Variants in AIM2 observed in about 807,000 individuals in gnomAD.
AIM2 encodes the protein absent in melanoma 2.
Under a neutral mutation model 27.7 loss-of-function variants are expected in AIM2, and 30 were observed. The ratio of observed to expected loss-of-function variants is 1.08; its 90% CI spans 0.81 to 1.47. The LOEUF (loss-of-function observed/expected upper bound fraction) is 1.47, where lower values mean the gene tolerates loss of function less well. AIM2 is among the 40% of genes most tolerant of loss of function. The pLI, the probability that AIM2 is intolerant of heterozygous loss-of-function variation, is 0.00. For missense variants in AIM2, 358 were observed against 411.3 expected (o/e 0.87, Z 1.12); for synonymous variants, 141 against 145.3 (o/e 0.97, Z 0.21).
At chr1:159,139,861 G>A (rs1406688646) in intron 1 of AIM2, among the ~76,000 whole-genome samples, 1 of 152,042 alleles carries the variant, frequency 6.6e-6, no homozygotes. Context: ...GCAAACCATC[G>A]AGTGGGCCCT....
intron 1 of AIM2, among the ~76,000 whole-genome samples, chr1:159,087,544 C>T (rs188677197): frequency 6.6e-6 from 1 of 151,272 alleles, no homozygotes; most frequent in African/African-American, 2.4e-5. Flanking sequence ...AAAAGCAATG[C>T]CAGGCTTTTT....
At chr1:159,109,349 T>C (rs1207632305) in intron 1 of AIM2, among the ~76,000 whole-genome samples, 1 of 152,196 alleles carries the variant, frequency 6.6e-6, no homozygotes, top group African/African-American at 2.4e-5. Context: ...GCTAATTGGC[T>C]AGCCACATGT....
At chr1:159,120,731 G>GT (rs1647515871) in intron 1 of AIM2, among the ~76,000 whole-genome samples, 1 of 152,126 alleles carries the variant, frequency 6.6e-6, no homozygotes. Flanking sequence ...AGAGCCCAGC[G>GT]TGACTGTTGG....
chr1:159,110,841 C>T (rs1657557527), intron 1 of AIM2, among the ~76,000 whole-genome samples: 4 of 152,188 alleles, frequency 2.6e-5, no homozygotes, highest in African/African-American at 9.6e-5. Context: ...GTTCACATTC[C>T]TCTCTTTTGT....
At chr1:159,083,907 G>A (rs888980157) in intron 1 of AIM2, among the ~76,000 whole-genome samples, 1 of 152,170 alleles carries the variant, frequency 6.6e-6, no homozygotes, top group Non-Finnish European at 1.5e-5. Context: ...CAATATTTAT[G>A]GACCACCTAT....
intron 2 of AIM2, among the ~76,000 whole-genome samples, chr1:159,071,116 G>T (rs759194979): frequency 3.9e-5 from 6 of 152,046 alleles, no homozygotes; most frequent in Non-Finnish European, 7.4e-5. Context: ...TTTTCTCTTA[G>T]CTTCCTTTTT....
At chr1:159,082,843 C>G (rs912145884) in intron 1 of AIM2, among the ~76,000 whole-genome samples, 4 of 152,020 alleles carry the variant, frequency 2.6e-5, no homozygotes, top group Admixed American at 1.3e-4. Flanking sequence ...GACCAGAAGC[C>G]CTTGAACCTT....
rs566159728 is a variant in AIM2 at position 159,068,297 on chromosome 1, C to T, written c.396+271G>A. On this transcript the variant is annotated intron_variant, in intron 3 of 5. Transcript: ENST00000368130. Reference sequence around the variant, plus strand: ...TCTAAAATAGACTTCCTGTAAACAACGGTCTATCTCAGAGTTTTCTTCTTA... The same window carrying T: ...TCTAAAATAGACTTCCTGTAAACAATGGTCTATCTCAGAGTTTTCTTCTTA... Among the ~76,000 whole-genome samples the T allele has an allele frequency of 4.6e-5, 7 of 152,284 alleles. No homozygotes were observed. In the South Asian group the frequency reaches 8.3e-4, roughly 18 times the overall value.
chr1:159,094,818 A>C (rs573794315), intron 1 of AIM2, among the ~76,000 whole-genome samples: 18 of 152,378 alleles, frequency 1.2e-4, no homozygotes, highest in African/African-American at 3.8e-4. Context: ...TTTAAAAATC[A>C]ACTTTCCAAA....
In AIM2 at chr1:159,062,711, TTAA is replaced by T; in HGVS notation, c.1010_1012del (p.Ile337del). ...ACTTCTCTATGTTTTTTTTTTGGCC[TTAA>T]TAACCTGGATGGAGAAAAAAAACAT... On this transcript the variant is annotated inframe_deletion, in exon 6 of 6. Coordinates refer to ENST00000368130, the MANE Select transcript of AIM2 (RefSeq NM_004833.3). The T allele has an allele frequency of 6.2e-7, 1 of 1,613,758 alleles. No homozygotes were observed. Among genetic ancestry groups the T allele is most frequent in the Non-Finnish European group, 8.5e-7 (1 of 1,179,834 alleles).
chr1:159,093,022 T>G (rs1036538468), intron 1 of AIM2, among the ~76,000 whole-genome samples: 1 of 138,066 alleles, frequency 7.2e-6, no homozygotes, highest in Non-Finnish European at 1.5e-5. Context: ...TGACGCTCCG[T>G]CTCAAAATAA....
chr1:159,146,565 T>C (rs575987454), intron 1 of AIM2, among the ~76,000 whole-genome samples: 1 of 152,328 alleles, frequency 6.6e-6, no homozygotes, highest in African/African-American at 2.4e-5. Flanking sequence ...TTTCTGCAAC[T>C]GGCATTCCCT....
chr1:159,084,323 G>A (rs770509715), intron 1 of AIM2, among the ~76,000 whole-genome samples: 28 of 152,026 alleles, frequency 1.8e-4, no homozygotes, highest in African/African-American at 5.3e-4. Flanking sequence ...TCTGGTTCTC[G>A]CTCACCACAT....
At chr1:159,125,714 T>C (rs1647667423) in intron 1 of AIM2, among the ~76,000 whole-genome samples, 2 of 152,212 alleles carry the variant, frequency 1.3e-5, no homozygotes, top group African/African-American at 4.8e-5. Flanking sequence ...TTGTGAAGAT[T>C]AGAGGCTGTT....
chr1:159,106,212 C>T (rs1657442313), intron 1 of AIM2, among the ~76,000 whole-genome samples: 2 of 152,134 alleles, frequency 1.3e-5, no homozygotes, highest in Admixed American at 6.5e-5. Context: ...GCAGCCATGC[C>T]CAGGGAGTGC....
chr1:159,145,440 C>A (rs1648184338), upstream of AIM2, among the ~76,000 whole-genome samples: 1 of 152,150 alleles, frequency 6.6e-6, no homozygotes, highest in Non-Finnish European at 1.5e-5. Flanking sequence ...TCTCCTCAGT[C>A]CCCTTTCTCA....
At chr1:159,066,527 G>T (rs770234332) in intron 3 of AIM2, among the ~76,000 whole-genome samples, 198 bp from the exon 4 acceptor site, 12 of 152,140 alleles carry the variant, frequency 7.9e-5, no homozygotes, top group Non-Finnish European at 1.6e-4. Context: ...GGAAGATTTC[G>T]ACTCCTGTAT....
intron 1 of AIM2, among the ~76,000 whole-genome samples, chr1:159,137,104 C>T (rs1029142795): frequency 6.6e-6 from 1 of 152,254 alleles, no homozygotes; most frequent in African/African-American, 2.4e-5. Flanking sequence ...TCCACTCAAA[C>T]TCATCAGTGG....
intron 1 of AIM2, among the ~76,000 whole-genome samples, chr1:159,120,192 A>G (rs1195705427): frequency 6.6e-6 from 1 of 152,166 alleles, no homozygotes; most frequent in African/African-American, 2.4e-5. Flanking sequence ...CAAAATTATA[A>G]TATCAAGAAT....
Sources: gnomAD v4.1 joint callset for allele counts (sites outside exome capture counted in the v4.1 genomes callset) on GRCh38, gnomAD v4.1.1 for gene constraint, MANE v1.5 for transcripts, NCBI Gene and HGNC (gene_info 2026-07-23, HGNC 2026-07-21) for gene names.